The following USP48 variants were observed in gnomAD, a reference collection of about 807,000 sequenced individuals.
The protein encoded by USP48 is ubiquitin specific peptidase 48.
Under a neutral mutation model 150.7 loss-of-function variants are expected in USP48, and 43 were observed. The observed-to-expected ratio is 0.29, with a 90% CI of 0.22 to 0.37. The LOEUF is 0.37. Ranked by LOEUF, USP48 falls within the 10% of genes least tolerant of loss-of-function variation. The pLI, the probability that USP48 is intolerant of heterozygous loss-of-function variation, is 1.00. For missense variants in USP48, 813 were observed against 1,249.6 expected (o/e 0.65, Z 5.27); for synonymous variants, 396 against 425.9 (o/e 0.93, Z 0.86).
chr1:21,704,043 T>C (rs2097665029), intron 20 of USP48, among the ~76,000 whole-genome samples: 1 of 152,202 alleles, frequency 6.6e-6, no homozygotes, highest in African/African-American at 2.4e-5. Context: ...TAATATTTTC[T>C]ATTAACCACT....
intron 8 of USP48, among the ~76,000 whole-genome samples, chr1:21,743,722 G>A (rs2097787294): frequency 6.6e-6 from 1 of 152,100 alleles, no homozygotes; most frequent in African/African-American, 2.4e-5. Context: ...GGCTTCCGGG[G>A]TACCAGAAAT....
At position 21,753,210 on chromosome 1, in the gene USP48, C is replaced by T. The variant is rs1417228487; in HGVS notation, c.413-91G>A. Reference sequence around the variant, plus strand: ...CTTCCTCTTCACATGAGAACATAAACATCTCTACATCCAAACTAGATTAAT... The same window carrying T: ...CTTCCTCTTCACATGAGAACATAAATATCTCTACATCCAAACTAGATTAAT... On this transcript the variant is annotated intron_variant, in intron 3 of 26. Coordinates refer to ENST00000308271, the MANE Select transcript of USP48 (RefSeq NM_032236.8). The T allele has an allele frequency of 1.3e-5, 17 of 1,259,762 alleles. No individual in the cohort carries two copies. The East Asian group carries it at 4.2e-4, about 31-fold the overall frequency. 78.0% of individuals were successfully genotyped at this position (1,259,762 alleles called of 1,614,324 possible).
At chr1:21,765,901 CAAAAAAAAA>C (rs199539331) in intron 1 of USP48, among the ~76,000 whole-genome samples, 236 of 111,946 alleles carry the variant, frequency 2.1e-3, no homozygotes, top group African/African-American at 2.4e-3. Flanking sequence ...ACTCCATCTC[CAAAAAAAAA>C]AAAAAAAAAA....
chr1:21,773,254 C>CAAAAA (rs60704662), intron 1 of USP48, among the ~76,000 whole-genome samples: 48 of 65,576 alleles, frequency 7.3e-4, no homozygotes, highest in African/African-American at 1.4e-3. Context: ...GACTCGGTCT[C>CAAAAA]AAAAAAAAAA....
intron 25 of USP48, among the ~76,000 whole-genome samples, chr1:21,684,481 TC>T (rs1339151462): frequency 6.6e-6 from 1 of 152,228 alleles, no homozygotes; most frequent in Non-Finnish European, 1.5e-5. Context: ...TTATATTTTC[TC>T]CCATTCTACA....
intron 1 of USP48, among the ~76,000 whole-genome samples, chr1:21,771,129 A>G (rs908601710): frequency 6.6e-6 from 1 of 152,064 alleles, no homozygotes; most frequent in Non-Finnish European, 1.5e-5. Flanking sequence ...GTCTCAAAAA[A>G]CAACTAAAAT....
chr1:21,778,587 C>G (rs1249998891), intron 1 of USP48, among the ~76,000 whole-genome samples: 2 of 104,384 alleles, frequency 1.9e-5, no homozygotes, highest in South Asian at 6.6e-4. Context: ...CACAACATAG[C>G]AAGACCCTCA....
intron 3 of USP48, among the ~76,000 whole-genome samples, chr1:21,755,460 G>A (rs1291875853): frequency 5.3e-5 from 8 of 152,126 alleles, no homozygotes; most frequent in South Asian, 2.1e-4. Flanking sequence ...ACTCGGGGGG[G>A]CTCTGGCAGG....
intron 8 of USP48, among the ~76,000 whole-genome samples, chr1:21,744,777 TAAAAAAAAAAAAAAAAA>T (rs10699993): frequency 3.4e-5 from 2 of 59,548 alleles, no homozygotes; most frequent in Non-Finnish European, 5.8e-5. Flanking sequence ...ACTCTATCTC[TAAAAAAAAAAAAAAAAA>T]AAAAAAAATG....
intron 8 of USP48, among the ~76,000 whole-genome samples, chr1:21,738,447 C>G (rs568330797): frequency 2.7e-5 from 4 of 148,642 alleles, no homozygotes; most frequent in African/African-American, 7.5e-5. Context: ...CCTCCGCCCC[C>G]CTGGGGTCAT....
Position 21,721,217 on chromosome 1 carries a change from G to A in USP48, c.1764-51C>T, listed in dbSNP as rs573249980. ...CATATAAGTAATATTTCCAAACACT[G>A]TCCTCCCTTCTTTGCCTGTAAAAAC... On this transcript the variant is annotated intron_variant, in intron 13 of 26. Transcript: ENST00000308271. 57 of 1,600,132 alleles carry A rather than the reference G, an allele frequency of 3.6e-5. No homozygotes were observed. The East Asian group carries it at 1.1e-3, about 32-fold the overall frequency.
chr1:21,679,514 A>G, intron 26 of USP48, 75 bp from the exon 27 acceptor site: 3 of 1,564,570 alleles, frequency 1.9e-6, no homozygotes, highest in Non-Finnish European at 2.6e-6. Context: ...TTTACCAAGA[A>G]CACATCATCA....
At chr1:21,752,754 C>G (rs2097819794) in intron 4 of USP48, 103 bp from the exon 5 acceptor site, 2 of 1,353,064 alleles carry the variant, frequency 1.5e-6, no homozygotes, top group Admixed American at 2.9e-5. Context: ...ATACTTTCAA[C>G]TTAGCATTTT....
Position 21,744,593 on chromosome 1 carries a change from C to T in USP48, c.991+2474G>A, listed in dbSNP as rs543758689. ...GAGTTCAAGACCAGCCTGGTCAACACAGTGAAACCCCGTCTCTACTAAAAA... is the reference window on the plus strand; with the variant it reads ...GAGTTCAAGACCAGCCTGGTCAACATAGTGAAACCCCGTCTCTACTAAAAA... On this transcript the variant is annotated intron_variant, in intron 8 of 26. Transcript: ENST00000308271. Among the ~76,000 whole-genome samples, 3 of 151,030 alleles carry T rather than the reference C, an allele frequency of 2.0e-5. No individual in the cohort carries two copies. The East Asian group carries it at 5.9e-4, about 29-fold the overall frequency.
Position 21,757,787 on chromosome 1 carries a change from AG to A in USP48, c.135-5del. The A allele has an allele frequency of 6.3e-7, 1 of 1,578,862 alleles. No homozygotes were observed. Among genetic ancestry groups the A allele is most frequent in the Non-Finnish European group, 8.5e-7 (1 of 1,169,658 alleles). On this transcript the variant is annotated splice_polypyrimidine_tract_variant and splice_region_variant and intron_variant, in intron 1 of 26. Coordinates refer to ENST00000308271, the MANE Select transcript of USP48 (RefSeq NM_032236.8). Reference sequence around the variant, plus strand: ...CGGATTTCCTTTGCAGTTTCGTCTAAGGGGAAAAAAAAAACCTTTAATTTTT... The same window carrying A: ...CGGATTTCCTTTGCAGTTTCGTCTAAGGGAAAAAAAAAACCTTTAATTTTT...
chr1:21,680,152 A>G (rs2152487725), intron 26 of USP48, among the ~76,000 whole-genome samples: 1 of 152,362 alleles, frequency 6.6e-6, no homozygotes, highest in East Asian at 1.9e-4. Flanking sequence ...AATAGCTGGT[A>G]TGTGATTCAA....
At chr1:21,730,703 A>C (rs1451318693) in intron 9 of USP48, among the ~76,000 whole-genome samples, 3 of 151,862 alleles carry the variant, frequency 2.0e-5, no homozygotes, top group Non-Finnish European at 4.4e-5. Flanking sequence ...ATAAATAAAA[A>C]TCAAGACTGA....
chr1:21,681,121 G>C, intron 25 of USP48: 1 of 260,546 alleles, frequency 3.8e-6, no homozygotes, highest in Non-Finnish European at 7.2e-6. Context: ...CTGGGAGGAA[G>C]CCATGTAACT....
intron 15 of USP48, among the ~76,000 whole-genome samples, chr1:21,710,892 C>T (rs1182785020): frequency 6.6e-6 from 1 of 152,006 alleles, no homozygotes; most frequent in Admixed American, 6.6e-5. Flanking sequence ...ACTGTAACCA[C>T]AATCTCCTGG....
Sources: allele counts gnomAD v4.1 joint callset (sites outside exome capture counted in the v4.1 genomes callset), GRCh38; gene constraint gnomAD v4.1.1; transcripts MANE v1.5; gene names NCBI Gene and HGNC (gene_info 2026-07-23, HGNC 2026-07-21).